Variants in ADORA2B observed in about 807,000 individuals in gnomAD.
ADORA2B encodes the protein adenosine A2b receptor, also known as adenosine receptor A2b.
In ADORA2B, 18 loss-of-function variants were observed where a neutral mutation model predicts 20.8. That is an observed-to-expected ratio of 0.87 (90% CI 0.60 to 1.29). The LOEUF (loss-of-function observed/expected upper bound fraction) is 1.29, where lower values mean the gene tolerates loss of function less well. Among genes scored for constraint, ADORA2B ranks in the 50% most tolerant of loss-of-function variants. The pLI, the probability that ADORA2B is intolerant of heterozygous loss-of-function variation, is 0.00. For synonymous variants in ADORA2B, 179 were observed against 178.3 expected (o/e 1.00, Z -0.03); for missense variants, 441 against 422.7 (o/e 1.04, Z -0.38).
intron 1 of ADORA2B, among the ~76,000 whole-genome samples, chr17:15,955,596 C>T (rs1007379318): frequency 4.6e-5 from 7 of 151,794 alleles, no homozygotes; most frequent in South Asian, 2.1e-4. Flanking sequence ...TTAGTAGAGA[C>T]GGGGTTTCAC....
intron 1 of ADORA2B, among the ~76,000 whole-genome samples, chr17:15,958,017 C>CT (rs748163411): frequency 0.061 from 8,289 of 135,450 alleles, 388 homozygotes; most frequent in Middle Eastern, 0.091. Context: ...AGGTACACTT[C>CT]CTTTTTTTTT....
intron 1 of ADORA2B, among the ~76,000 whole-genome samples, chr17:15,968,869 T>C (rs1217435416): frequency 1.3e-5 from 2 of 152,116 alleles, no homozygotes; most frequent in Non-Finnish European, 2.9e-5. Flanking sequence ...AGCTGTGCCA[T>C]GGATGTGTCC....
At chr17:15,892,735 C>T in the ADORA2B span, among the ~76,000 whole-genome samples, 3 of 151,378 alleles carry the variant, frequency 2.0e-5, no homozygotes, top group Admixed American at 6.6e-5. Context: ...ACCTAGAGGA[C>T]CTCGGCAAAG....
intron 1 of ADORA2B, among the ~76,000 whole-genome samples, chr17:15,949,006 G>C (rs572064865): frequency 6.6e-6 from 1 of 151,936 alleles, no homozygotes; most frequent in African/African-American, 2.4e-5. Context: ...TCAGGAGCTC[G>C]AGACCAGCTT....
intron 1 of ADORA2B, among the ~76,000 whole-genome samples, chr17:15,960,887 T>C (rs1397787745): frequency 8.8e-6 from 1 of 113,176 alleles, no homozygotes; most frequent in South Asian, 2.7e-4. Context: ...AAAAAAAAAG[T>C]CTGGGCGCAG....
At chr17:15,923,563 C>A in the ADORA2B span, among the ~76,000 whole-genome samples, 329 of 151,918 alleles carry the variant, frequency 2.2e-3, 1 homozygote, top group African/African-American at 7.6e-3. Flanking sequence ...CACCACCACG[C>A]CCGACTAATT....
the ADORA2B span, among the ~76,000 whole-genome samples, chr17:15,864,318 GC>G: frequency 6.6e-6 from 1 of 152,338 alleles, no homozygotes; most frequent in East Asian, 1.9e-4. Flanking sequence ...AAGCCAGTTT[GC>G]ACTCCCACCA....
chr17:15,918,882 T>C, the ADORA2B span, among the ~76,000 whole-genome samples: 6 of 152,312 alleles, frequency 3.9e-5, no homozygotes, highest in South Asian at 2.1e-4. Flanking sequence ...TGTAAGAGCC[T>C]TGGGACAGGC....
the ADORA2B span, among the ~76,000 whole-genome samples, chr17:15,870,036 C>T: frequency 6.6e-6 from 1 of 150,836 alleles, no homozygotes; most frequent in African/African-American, 2.4e-5. Flanking sequence ...ATCCAGCCCA[C>T]CACATGTTTT....
chr17:15,958,310 G>A (rs1969995861), intron 1 of ADORA2B, among the ~76,000 whole-genome samples: 2 of 152,152 alleles, frequency 1.3e-5, no homozygotes, highest in South Asian at 2.1e-4. Flanking sequence ...GAGCCACCAC[G>A]CCCGGCCCAG....
the ADORA2B span, among the ~76,000 whole-genome samples, chr17:15,900,345 C>T: frequency 6.6e-6 from 1 of 152,352 alleles, no homozygotes; most frequent in Admixed American, 6.5e-5. Flanking sequence ...TCGCTTTCCA[C>T]AGTGGCTGTA....
chr17:15,864,862 A>G, the ADORA2B span, among the ~76,000 whole-genome samples: 1 of 152,036 alleles, frequency 6.6e-6, no homozygotes, highest in Non-Finnish European at 1.5e-5. Flanking sequence ...CCGAAGAACA[A>G]TATAGAATGG....
At chr17:15,898,591 ACTCCTGACTTCGTGATCCACC>A in the ADORA2B span, among the ~76,000 whole-genome samples, 6 of 150,740 alleles carry the variant, frequency 4.0e-5, no homozygotes, top group Non-Finnish European at 8.9e-5. Flanking sequence ...CTGGTCTCGA[ACTCCTGACTTCGTGATCCACC>A]CGCCTCAGCC....
chr17:15,936,265 G>A, the ADORA2B span, among the ~76,000 whole-genome samples: 2 of 152,122 alleles, frequency 1.3e-5, no homozygotes, highest in East Asian at 3.9e-4. Flanking sequence ...TCTATTTGGT[G>A]AGACATCTTT....
chr17:15,859,711 TGAGGTGG>T, the ADORA2B span, among the ~76,000 whole-genome samples: 1 of 152,116 alleles, frequency 6.6e-6, no homozygotes, highest in Admixed American at 6.6e-5. Flanking sequence ...CTCAGAAGGC[TGAGGTGG>T]GAGGATCACT....
the ADORA2B span, among the ~76,000 whole-genome samples, chr17:15,892,999 A>G: frequency 3.3e-5 from 5 of 152,198 alleles, no homozygotes; most frequent in Admixed American, 2.6e-4. Flanking sequence ...TACTGTCTCT[A>G]CATTCCCCCG....
the ADORA2B span, among the ~76,000 whole-genome samples, chr17:15,911,548 G>A: frequency 6.6e-6 from 1 of 152,160 alleles, no homozygotes; most frequent in Non-Finnish European, 1.5e-5. Context: ...AGCCATACCA[G>A]CCCCTCTCCA....
At chr17:15,854,335 C>T in the ADORA2B span, among the ~76,000 whole-genome samples, 61 of 152,248 alleles carry the variant, frequency 4.0e-4, no homozygotes, top group Admixed American at 8.5e-4. Context: ...AAACCAACCA[C>T]AGTTAATTTA....
At chr17:15,860,148 C>T in the ADORA2B span, among the ~76,000 whole-genome samples, 1 of 152,172 alleles carries the variant, frequency 6.6e-6, no homozygotes, top group Admixed American at 6.5e-5. Flanking sequence ...TCGATCACGA[C>T]CCTCTCACGT....
Sources: gnomAD v4.1 joint callset for allele counts (sites outside exome capture counted in the v4.1 genomes callset) on GRCh38, gnomAD v4.1.1 for gene constraint, MANE v1.5 for transcripts, NCBI Gene and HGNC (gene_info 2026-07-23, HGNC 2026-07-21) for gene names.